Variants in ZNF585A observed in about 807,000 individuals in gnomAD.
ZNF585A encodes zinc finger protein 585A.
In ZNF585A, 9 loss-of-function variants were observed where a neutral mutation model predicts 14.9. The ratio of observed to expected loss-of-function variants is 0.60; its 90% CI spans 0.36 to 1.05. The LOEUF (loss-of-function observed/expected upper bound fraction) is 1.05, where lower values mean the gene tolerates loss of function less well. Among genes scored for constraint, ZNF585A ranks in the 50% least tolerant of loss-of-function variants. The pLI is 0.01. For synonymous variants in ZNF585A, 276 were observed against 319.9 expected, an observed-to-expected ratio of 0.86 and a Z score of 1.46; for missense variants, 726 against 926.4, an observed-to-expected ratio of 0.78 and a Z score of 2.81.
rs1475591715 is a variant in ZNF585A at position 37,151,591 on chromosome 19, A to C, written c.2308T>G (p.Ter770GlyextTer30). The change falls in exon 5 of 5, where the codon TGA becomes GGA. Residue 770 changes from the stop codon to glycine (G), a stop_lost. Coordinates refer to ENST00000292841, the MANE Select transcript of ZNF585A (RefSeq NM_001288800.2). ...VFSVHQSSHA[*>G] ...GGGGTTTTCTCACACTGTTTCTCTC[A>C]AGCGTGGCTGCTCTGATGGACGCTG... The C allele has an allele frequency of 1.2e-6, 2 of 1,610,006 alleles. No individual in the cohort carries two copies. Among genetic ancestry groups the C allele is most frequent in the Admixed American group, 1.7e-5 (1 of 59,870 alleles).
intron 2 of ZNF585A, among the ~76,000 whole-genome samples, chr19:37,164,812 C>T (rs2145412914): frequency 6.6e-6 from 1 of 152,226 alleles, no homozygotes. Context: ...GCTGGTATCA[C>T]AGGTGCCCCA....
In ZNF585A at chr19:37,155,901, C is replaced by A. The variant is rs1480148962; in HGVS notation, c.256G>T (p.Ala86Ser). The change falls in exon 4 of 5, where the codon GCA becomes TCA. Residue 86 changes from alanine to serine, a missense_variant. Around this residue, in one of 2 missense-constraint regions of ZNF585A, gnomAD observed 483 missense variants for 542.8 expected, o/e 0.89. Coordinates refer to ENST00000292841, the MANE Select transcript of ZNF585A (RefSeq NM_001288800.2). ...VMLEQGKEPW[A>S]LQGERPRQSC... The stretch of plus-strand genomic sequence containing the variant: ...TGACGTGGCCTCTCACCCTGCAGTG[C>A]CCATGGTTCCTTTCCTTGCTCCAAC... 1 of 1,612,440 alleles carries A rather than the reference C, an allele frequency of 6.2e-7. No homozygotes were observed. The highest frequency in any genetic ancestry group is 8.5e-7 in the Non-Finnish European group (1 of 1,180,004).
At chr19:37,159,400 T>C (rs981479603) in intron 2 of ZNF585A, among the ~76,000 whole-genome samples, 3 of 152,296 alleles carry the variant, frequency 2.0e-5, no homozygotes, top group Admixed American at 6.5e-5. Context: ...ACAAAATACA[T>C]GATCCTCCAA....
rs761537425 is a variant in ZNF585A at position 37,153,620 on chromosome 19, C to A, written c.293-14G>T. On this transcript the variant is annotated splice_polypyrimidine_tract_variant and intron_variant, in intron 4 of 4. Transcript: ENST00000292841. Reference sequence around the variant, plus strand: ...ATAATTTCTCTCCTGTTGGAATACACTCATGGTTACTATAGGAAGACATTT... The same window carrying A: ...ATAATTTCTCTCCTGTTGGAATACAATCATGGTTACTATAGGAAGACATTT... 3 of 1,562,612 alleles carry A rather than the reference C, an allele frequency of 1.9e-6. No individual in the cohort carries two copies. The Admixed American group carries it at 5.4e-5, about 28-fold the overall frequency.
intron 2 of ZNF585A, among the ~76,000 whole-genome samples, chr19:37,159,005 T>A (rs992152422): frequency 6.6e-6 from 1 of 152,082 alleles, no homozygotes; most frequent in Non-Finnish European, 1.5e-5. Flanking sequence ...CCCAGCACTT[T>A]GGGAGGCCGA....
At chr19:37,162,416 C>T (rs183698907) in intron 2 of ZNF585A, among the ~76,000 whole-genome samples, 6 of 152,222 alleles carry the variant, frequency 3.9e-5, no homozygotes, top group South Asian at 2.1e-4. Context: ...GACAGTGTGG[C>T]GATTCCTCAA....
At chr19:37,156,040 G>A in intron 3 of ZNF585A, 83 bp from the exon 4 acceptor site, 1 of 1,591,480 alleles carries the variant, frequency 6.3e-7, no homozygotes, top group Non-Finnish European at 8.6e-7. Flanking sequence ...CTTTGATGAG[G>A]ATTTTTTCTT....
intron 4 of ZNF585A, among the ~76,000 whole-genome samples, chr19:37,154,536 T>C (rs1407420432): frequency 6.6e-6 from 1 of 151,198 alleles, no homozygotes; most frequent in Non-Finnish European, 1.5e-5. Context: ...AATAAAGCAA[T>C]CAAAAACAAC....
intron 2 of ZNF585A, among the ~76,000 whole-genome samples, chr19:37,161,635 C>A (rs188091602): frequency 1.1e-4 from 17 of 152,240 alleles, no homozygotes; most frequent in African/African-American, 3.1e-4. Context: ...CCCGAGCCAG[C>A]AAAACCAAAC....
At position 37,167,785 on chromosome 19, in the gene ZNF585A, T is replaced by C. The variant is rs573770320; in HGVS notation, c.72+2054A>G. 4.6e-5 allele frequency among the ~76,000 whole-genome samples: 7 copies of C among 151,936 alleles called. No individual in the cohort carries two copies. In the South Asian group the frequency reaches 6.2e-4, roughly 14 times the overall value. ...ACTGGTGCGTGGCACCACGCACGGC[T>C]TATTTTTTGTGTCTTCAGTATGAGT... On this transcript the variant is annotated intron_variant, in intron 2 of 4. Coordinates refer to ENST00000292841, the MANE Select transcript of ZNF585A (RefSeq NM_001288800.2).
intron 2 of ZNF585A, 37 bp from the exon 3 acceptor site, chr19:37,156,392 G>C (rs745578951): frequency 1.2e-6 from 2 of 1,612,390 alleles, no homozygotes; most frequent in Admixed American, 3.3e-5. Context: ...TGCACAGTCA[G>C]CTTAGAGGGT....
In ZNF585A at chr19:37,152,266, T is replaced by G; in HGVS notation, c.1633A>C (p.Thr545Pro). The G allele has an allele frequency of 6.2e-7, 1 of 1,614,202 alleles. No individual in the cohort carries two copies. Among genetic ancestry groups the G allele is most frequent in the South Asian group, 1.1e-5 (1 of 91,074 alleles). Reference protein sequence around the residue: ...SHLNIHQKIHTGERQYECHEC... With the variant: ...SHLNIHQKIHPGERQYECHEC... ...TGGCATTCATACTGTCTCTCTCCAG[T>G]GTGAATTTTCTGATGTATATTGAGG... is the stretch of plus-strand genomic sequence containing the variant. The change falls in exon 5 of 5, where the codon ACT becomes CCT. Residue 545 changes from threonine to proline, a missense_variant. Thr to Pro is a conservative substitution (Grantham distance 38). Transcript: ENST00000292841.
chr19:37,162,859 G>GA (rs1278007853), intron 2 of ZNF585A, among the ~76,000 whole-genome samples: 1 of 152,002 alleles, frequency 6.6e-6, no homozygotes, highest in Non-Finnish European at 1.5e-5. Flanking sequence ...GAAAGGATCA[G>GA]AAAAAATAAC....
chr19:37,156,084 T>C, intron 3 of ZNF585A, 127 bp from the exon 4 acceptor site: 3 of 1,556,804 alleles, frequency 1.9e-6, no homozygotes, highest in Non-Finnish European at 2.6e-6. Flanking sequence ...AGGGTAAAAT[T>C]CTGAGTGCCC....
At chr19:37,165,692 T>A (rs1214917415) in intron 2 of ZNF585A, 1 of 978,958 alleles carries the variant, frequency 1.0e-6, no homozygotes, top group Non-Finnish European at 1.2e-6. Context: ...GCATCAAGGT[T>A]AACACTGTAA....
Position 37,153,455 on chromosome 19 carries a change from G to A in ZNF585A, c.444C>T (p.His148=), listed in dbSNP as rs1340080891. The A allele has an allele frequency of 5.0e-6, 8 of 1,614,008 alleles. No individual in the cohort carries two copies. Among genetic ancestry groups the A allele is most frequent in the Admixed American group, 1.7e-5 (1 of 59,998 alleles). Residue 148 remains histidine (H), a synonymous_variant, in exon 5 of 5, where the codon CAC becomes CAT. Coordinates refer to ENST00000292841, the MANE Select transcript of ZNF585A (RefSeq NM_001288800.2). Reference sequence around the variant, plus strand: ...GCTTTTCTCCTGCAAGAACTTTCAGGTGTACTTTGAGCTGTGACTTCTGGG... The same window carrying A: ...GCTTTTCTCCTGCAAGAACTTTCAGATGTACTTTGAGCTGTGACTTCTGGG... ...IFTQKSQLKV[H]LKVLAGEKLY... is the part of the protein sequence containing the mutation.
At chr19:37,165,678 T>G in intron 2 of ZNF585A, 6 of 984,326 alleles carry the variant, frequency 6.1e-6, no homozygotes, top group Non-Finnish European at 7.2e-6. Flanking sequence ...TCCAGTTCTT[T>G]CAGGCATCAA....
Position 37,169,977 on chromosome 19 carries a change from A to T in ZNF585A, c.-67T>A. ...AGCTTGGCAGTCATCTGTGAACTCA[A>T]GCAGAGCTGCTCTGAAGAGATGGGC... is the stretch of plus-strand genomic sequence containing the variant. On this transcript the variant is annotated 5_prime_UTR_variant, in exon 2 of 5. It adds an upstream start codon to the 5' untranslated region. Coordinates refer to ENST00000292841, the MANE Select transcript of ZNF585A (RefSeq NM_001288800.2). 1.3e-6 allele frequency: 2 copies of T among 1,562,970 alleles called. No individual in the cohort carries two copies. The highest frequency in any genetic ancestry group is 2.7e-5 in the African/African-American group (2 of 74,072).
intron 4 of ZNF585A, among the ~76,000 whole-genome samples, chr19:37,154,360 T>C (rs1971888676): frequency 6.6e-6 from 1 of 152,112 alleles, no homozygotes; most frequent in Non-Finnish European, 1.5e-5. Flanking sequence ...GTTTCCATCA[T>C]ATAAAACAGT....
Sources: allele counts gnomAD v4.1 joint callset (sites outside exome capture counted in the v4.1 genomes callset), GRCh38; gene constraint gnomAD v4.1.1; regional missense constraint gnomAD v4.1.1; transcripts MANE v1.5; gene names NCBI Gene and HGNC (gene_info 2026-07-23, HGNC 2026-07-21).